Variants in COL11A1 observed in about 807,000 individuals in gnomAD.
COL11A1 encodes the protein collagen type XI alpha 1 chain.
In COL11A1, 74 loss-of-function variants were observed where a neutral mutation model predicts 265.2. That is an observed-to-expected ratio of 0.28 (90% CI 0.23 to 0.34). The LOEUF (loss-of-function observed/expected upper bound fraction) is 0.34, where lower values mean the gene tolerates loss of function less well. COL11A1 is among the 10% of genes least tolerant of loss of function. The pLI is 1.00. For synonymous variants in COL11A1, 816 were observed against 727.6 expected (o/e 1.12, Z -1.96); for missense variants, 2,165 against 2,263.6 (o/e 0.96, Z 0.88).
At chr1:103,100,650 G>A (rs961250091) in intron 1 of COL11A1, 11 of 151,936 alleles carry the variant, frequency 7.2e-5, no homozygotes, top group African/African-American at 2.7e-4. Flanking sequence ...TGCATGATGT[G>A]TACATTAATA....
At chr1:102,937,727 C>A (rs529086633) in intron 44 of COL11A1, among the ~76,000 whole-genome samples, 1 of 152,242 alleles carries the variant, frequency 6.6e-6, no homozygotes, top group African/African-American at 2.4e-5. Flanking sequence ...AAGCCCTCAC[C>A]ATAAGCCAAG....
chr1:103,079,789 T>C (rs75338530), intron 2 of COL11A1, among the ~76,000 whole-genome samples: 4,153 of 152,074 alleles, frequency 0.027, 180 homozygotes, highest in African/African-American at 0.095. Flanking sequence ...ATTGTGTATG[T>C]GCATGTGTAA....
intron 7 of COL11A1, among the ~76,000 whole-genome samples, chr1:103,023,414 A>C (rs931096675): frequency 4.7e-5 from 7 of 149,248 alleles, no homozygotes; most frequent in Non-Finnish European, 1.0e-4. Context: ...TTGTTGTGCA[A>C]GGGCGCAATC....
intron 24 of COL11A1, chr1:103,001,119 G>T (rs905640795): frequency 2.5e-6 from 1 of 397,040 alleles, no homozygotes; most frequent in Non-Finnish European, 4.4e-6. Flanking sequence ...TAGGTCTGAG[G>T]GGGTGGAAAC....
chr1:102,933,520 CTG>C (rs1657769821), intron 46 of COL11A1, among the ~76,000 whole-genome samples: 2 of 152,110 alleles, frequency 1.3e-5, no homozygotes, highest in Non-Finnish European at 2.9e-5. Context: ...ACATTTAAGT[CTG>C]CAGAGGTTAC....
chr1:102,967,227 CTTTTTTTTTTTTTT>C (rs35303945), intron 37 of COL11A1, among the ~76,000 whole-genome samples: 7 of 52,760 alleles, frequency 1.3e-4, no homozygotes, highest in East Asian at 7.2e-4. Flanking sequence ...ATAATAAATT[CTTTTTTTTTTTTTT>C]TTTTTTTTTT....
chr1:103,003,121 AACTCTTGGCTCTCTACTG>A, intron 21 of COL11A1, 76 bp downstream of exon 21: 2 of 1,262,902 alleles, frequency 1.6e-6, no homozygotes, highest in Non-Finnish European at 1.1e-6. Context: ...CAAGGCAATA[AACTCTTGGCTCTCTACTG>A]AGGGCTTTTA....
chr1:103,095,720 A>T (rs1328061277), intron 1 of COL11A1, among the ~76,000 whole-genome samples: 1 of 151,968 alleles, frequency 6.6e-6, no homozygotes, highest in African/African-American at 2.4e-5. Context: ...ATATTTTCTC[A>T]TGTAAATTTG....
At position 102,970,330 on chromosome 1, in the gene COL11A1, A is replaced by G. The variant is rs1465555348; in HGVS notation, c.2809-58T>C. 2.2e-6 allele frequency: 3 copies of G among 1,350,990 alleles called. No individual in the cohort carries two copies. The Admixed American group carries it at 5.8e-5, about 26-fold the overall frequency. The allele number at this position is 1,350,990 out of a possible 1,614,324, so 83.7% of individuals were successfully genotyped here. On this transcript the variant is annotated intron_variant, in intron 36 of 66. Coordinates refer to ENST00000370096, the MANE Select transcript of COL11A1 (RefSeq NM_001854.4). ...TAAATATTTAATTATTTTATAGTCTAAATGTGACATGTTAGAAAATTTTCT... is the reference window on the plus strand; with the variant it reads ...TAAATATTTAATTATTTTATAGTCTGAATGTGACATGTTAGAAAATTTTCT...
chr1:102,916,824 CA>C lies in COL11A1; in HGVS notation c.3763-1141del, dbSNP rs3835567. Among the ~76,000 whole-genome samples the C allele has an allele frequency of 7.1e-3, 1,044 of 148,016 alleles. 12 individuals are homozygous for C. The highest frequency in any genetic ancestry group is 0.024 in the African/African-American group (974 of 40,746). Reference sequence around the variant, plus strand: ...TTCCAGAATTTTTGGATAACTCTTACAAAAAAAAATTGCATTTATATTATTT... The same window carrying C: ...TTCCAGAATTTTTGGATAACTCTTACAAAAAAAATTGCATTTATATTATTT... On this transcript the variant is annotated intron_variant, in intron 49 of 66. Transcript: ENST00000370096.
intron 54 of COL11A1, among the ~76,000 whole-genome samples, chr1:102,908,515 T>C (rs1298917523): frequency 6.6e-6 from 1 of 152,120 alleles, no homozygotes. Context: ...CTTTGACATT[T>C]ATGATTATAA....
intron 9 of COL11A1, 36 bp downstream of exon 9, chr1:103,021,671 T>C (rs1571063425): frequency 2.1e-6 from 3 of 1,435,752 alleles, no homozygotes; most frequent in East Asian, 2.3e-5. Context: ...TAAGCAATTT[T>C]ACCAACCTTT....
At chr1:103,096,923 A>G (rs369200439) in intron 1 of COL11A1, among the ~76,000 whole-genome samples, 8 of 152,054 alleles carry the variant, frequency 5.3e-5, no homozygotes, top group African/African-American at 1.9e-4. Flanking sequence ...TTATTTTAAC[A>G]TTTTTCTCAT....
At chr1:102,891,457 T>A (rs184316457) in intron 57 of COL11A1, among the ~76,000 whole-genome samples, 1 of 152,144 alleles carries the variant, frequency 6.6e-6, no homozygotes, top group East Asian at 1.9e-4. Context: ...CTAAGACATT[T>A]ATCCTTTTAA....
chr1:103,096,209 A>C (rs149760271), intron 1 of COL11A1, among the ~76,000 whole-genome samples: 1 of 152,054 alleles, frequency 6.6e-6, no homozygotes, highest in Non-Finnish European at 1.5e-5. Flanking sequence ...CTCTAGGCTC[A>C]CTCGAGTGGA....
intron 46 of COL11A1, among the ~76,000 whole-genome samples, chr1:102,923,973 C>G (rs1656280573): frequency 6.6e-6 from 1 of 150,932 alleles, no homozygotes; most frequent in East Asian, 1.9e-4. Flanking sequence ...CTTTGGGAGG[C>G]TGAGGCGGGC....
chr1:102,996,067 T>C (rs1664596145), intron 26 of COL11A1, 25 bp from the exon 27 acceptor site: 4 of 1,607,032 alleles, frequency 2.5e-6, no homozygotes, highest in South Asian at 1.1e-5. Flanking sequence ...TTACCACTTA[T>C]ACGTGTAATA....
At chr1:102,980,472 T>C (rs1662931926) in intron 31 of COL11A1, among the ~76,000 whole-genome samples, 1 of 152,102 alleles carries the variant, frequency 6.6e-6, no homozygotes, top group Non-Finnish European at 1.5e-5. Flanking sequence ...GCTCAACTTG[T>C]TAATTATGAG....
intron 4 of COL11A1, among the ~76,000 whole-genome samples, chr1:103,064,200 G>A (rs574172666): frequency 6.6e-6 from 1 of 151,558 alleles, no homozygotes; most frequent in South Asian, 2.1e-4. Flanking sequence ...CACACTTCTT[G>A]GTATTTATCC....
Sources: allele counts gnomAD v4.1 joint callset (sites outside exome capture counted in the v4.1 genomes callset), GRCh38; gene constraint gnomAD v4.1.1; transcripts MANE v1.5; gene names NCBI Gene and HGNC (gene_info 2026-07-23, HGNC 2026-07-21).